DCAF8L2: variants seen among roughly 807,000 people sequenced by gnomAD.
The protein encoded by DCAF8L2 is DDB1 and CUL4 associated factor 8 like 2.
For missense variants in DCAF8L2, 430 were observed against 490.7 expected, an observed-to-expected ratio of 0.88 and a Z score of 1.17; for synonymous variants, 200 against 190.9, an observed-to-expected ratio of 1.05 and a Z score of -0.39.
intron 4 of DCAF8L2, among the ~76,000 whole-genome samples, chrX:27,731,319 G>GA (rs1921190607): frequency 9.0e-6 from 1 of 111,015 alleles, no homozygotes; most frequent in Non-Finnish European, 1.9e-5. Flanking sequence ...GCTGAGGCAC[G>GA]AACCTGGAGA....
intron 2 of DCAF8L2, among the ~76,000 whole-genome samples, chrX:27,667,161 C>T (rs750475472): frequency 9.0e-6 from 1 of 110,597 alleles, no homozygotes; most frequent in Non-Finnish European, 1.9e-5. Context: ...GTTAAAGGAA[C>T]GATACAAGGT....
At chrX:27,736,189 C>A (rs1921508590) in intron 4 of DCAF8L2, among the ~76,000 whole-genome samples, 1 of 111,006 alleles carries the variant, frequency 9.0e-6, no homozygotes, top group Non-Finnish European at 1.9e-5. Context: ...AGATGGCCGA[C>A]ATGATGGTGT....
At chrX:27,506,746 T>C in the DCAF8L2 span, among the ~76,000 whole-genome samples, 1 of 111,400 alleles carries the variant, frequency 9.0e-6, no homozygotes, top group African/African-American at 3.3e-5. Flanking sequence ...TGCAGTGCAG[T>C]GGCGCAATCT....
chrX:27,528,116 ATTAT>A, the DCAF8L2 span, among the ~76,000 whole-genome samples: 2 of 102,983 alleles, frequency 1.9e-5, no homozygotes, highest in Non-Finnish European at 4.0e-5. Context: ...AATTTAATTA[ATTAT>A]TAAATTATAA....
intron 3 of DCAF8L2, among the ~76,000 whole-genome samples, chrX:27,694,734 T>G (rs1930833411): frequency 8.9e-6 from 1 of 112,100 alleles, no homozygotes; most frequent in Admixed American, 9.6e-5. Context: ...AATTTTAAAA[T>G]AATATTCATA....
chrX:27,707,334 G>A (rs1003143475), intron 3 of DCAF8L2, among the ~76,000 whole-genome samples: 1 of 111,166 alleles, frequency 9.0e-6, no homozygotes, highest in Non-Finnish European at 1.9e-5. Context: ...TAGTTTTTAG[G>A]GATGAAGTTT....
the DCAF8L2 span, among the ~76,000 whole-genome samples, chrX:27,530,310 T>A: frequency 9.1e-6 from 1 of 110,361 alleles, no homozygotes; most frequent in South Asian, 3.9e-4. Context: ...CCCAGCAAGA[T>A]CATAGAACTA....
intron 1 of DCAF8L2, among the ~76,000 whole-genome samples, chrX:27,591,012 T>TATATATATATATATATATATATAA (rs1311861515): frequency 2.3e-5 from 2 of 88,533 alleles, no homozygotes; most frequent in Non-Finnish European, 4.4e-5. Flanking sequence ...TATATATATA[T>TATATATATATATATATATATATAA]ATAAATAAAT....
At chrX:27,529,329 T>C in the DCAF8L2 span, among the ~76,000 whole-genome samples, 1 of 111,093 alleles carries the variant, frequency 9.0e-6, no homozygotes, top group South Asian at 3.8e-4. Context: ...GCTAAGAAAT[T>C]ATTACTGAAA....
intron 4 of DCAF8L2, among the ~76,000 whole-genome samples, chrX:27,734,833 A>G (rs1921428504): frequency 8.9e-6 from 1 of 111,830 alleles, no homozygotes; most frequent in African/African-American, 3.2e-5. Flanking sequence ...GTCCAGTTTT[A>G]TGTGTTCAAT....
At chrX:27,720,439 T>G (rs1931857798) in intron 4 of DCAF8L2, among the ~76,000 whole-genome samples, 2 of 110,863 alleles carry the variant, frequency 1.8e-5, no homozygotes, top group African/African-American at 6.6e-5. Flanking sequence ...AGTGGCGCAA[T>G]CTCGGCTCAC....
chrX:27,677,954 A>G (rs1930197185), intron 3 of DCAF8L2, 42 bp downstream of exon 3: 1 of 111,978 alleles, frequency 8.9e-6, no homozygotes, highest in Non-Finnish European at 1.9e-5. Context: ...GGTTGTTAAA[A>G]TAATCAGATG....
chrX:27,589,473 T>G (rs1437953471), upstream of DCAF8L2, among the ~76,000 whole-genome samples: 3 of 111,316 alleles, frequency 2.7e-5, no homozygotes, highest in East Asian at 8.4e-4. Flanking sequence ...TTAATTAAAT[T>G]TATTTGCTAC....
chrX:27,613,157 G>A (rs1927274672), intron 1 of DCAF8L2, among the ~76,000 whole-genome samples: 1 of 111,061 alleles, frequency 9.0e-6, no homozygotes, highest in African/African-American at 3.3e-5. Flanking sequence ...CCTTGAAGAG[G>A]TCCTTCACAT....
the DCAF8L2 span, among the ~76,000 whole-genome samples, chrX:27,531,634 T>C: frequency 9.0e-6 from 1 of 111,688 alleles, no homozygotes; most frequent in Admixed American, 9.5e-5. Context: ...GTCTGAGAAA[T>C]AGAGAACATT....
intron 4 of DCAF8L2, among the ~76,000 whole-genome samples, chrX:27,740,509 A>G (rs913580554): frequency 1.0e-4 from 11 of 110,252 alleles, no homozygotes; most frequent in Admixed American, 9.6e-4. Context: ...ATAAAGCACT[A>G]TAATTCCTTA....
chrX:27,560,758 G>T, the DCAF8L2 span, among the ~76,000 whole-genome samples: 2,439 of 112,102 alleles, frequency 0.022, 58 homozygotes, highest in African/African-American at 0.075. Flanking sequence ...ACTAGAAGTT[G>T]TTTTTCTAAA....
At chrX:27,640,762 T>C (rs755830372) in intron 2 of DCAF8L2, among the ~76,000 whole-genome samples, 46 of 111,101 alleles carry the variant, frequency 4.1e-4, no homozygotes, top group Non-Finnish European at 7.5e-4. Flanking sequence ...AGTTAATTTG[T>C]TTTTATTTTA....
the DCAF8L2 span, among the ~76,000 whole-genome samples, chrX:27,510,565 A>G: frequency 9.3e-6 from 1 of 108,081 alleles, no homozygotes; most frequent in African/African-American, 3.4e-5. Context: ...ATTACTATAT[A>G]TATATATATG....
Sources: allele counts gnomAD v4.1 joint callset (sites outside exome capture counted in the v4.1 genomes callset), GRCh38; gene constraint gnomAD v4.1.1; transcripts MANE v1.5; gene names NCBI Gene and HGNC (gene_info 2026-07-23, HGNC 2026-07-21).